Variants in GNPDA1 observed in about 807,000 individuals in gnomAD.
GNPDA1 encodes the protein GNPDA 1.
A neutral mutation model predicts 28.5 loss-of-function variants in GNPDA1; 24 were observed. The observed-to-expected ratio is 0.84, with a 90% CI of 0.61 to 1.19. GNPDA1 has a LOEUF of 1.19. GNPDA1 is among the 50% of genes most tolerant of loss of function. GNPDA1 has a pLI of 0.00. For missense variants in GNPDA1, 264 were observed against 367.3 expected, an observed-to-expected ratio of 0.72 and a Z score of 2.30; for synonymous variants, 147 against 139.3, an observed-to-expected ratio of 1.06 and a Z score of -0.39.
rs758193314 is a variant in GNPDA1, at chr5:142,003,059, ACCT to A, written c.769+26_769+28del. 1 of 1,593,774 alleles carries A rather than the reference ACCT, an allele frequency of 6.3e-7. No individual in the cohort carries two copies. The highest frequency in any genetic ancestry group is 8.6e-7 in the Non-Finnish European group (1 of 1,167,980). On this transcript the variant is annotated intron_variant, in intron 6 of 6. Coordinates refer to ENST00000311337, the MANE Select transcript of GNPDA1 (RefSeq NM_005471.5). This position sits in a 1 kb window ranked among gnomAD's most constrained non-coding sequence, Gnocchi z 4.0. ...CTCCTAGCACACCCTAAGCTTGACC[ACCT>A]CCTCCTGGACCCACACCTCCCTCAC...
In GNPDA1 at chr5:142,003,251, A is replaced by G. The variant is rs1231566631; in HGVS notation, c.606T>C (p.Leu202=). 6.2e-7 allele frequency: 1 copy of G among 1,610,466 alleles called. No individual in the cohort carries two copies. The highest frequency in any genetic ancestry group is 8.5e-7 in the Non-Finnish European group (1 of 1,177,702). ...CAAATGCCTTGTGAGCACCTGTGAT[A>G]AGGATCATCACCTGGGGATCAGAAA... ...TVMDAREVMI[L]ITGAHKAFAL... The change falls in exon 6 of 7, where the codon CTT becomes CTC. Residue 202 remains leucine (L), a synonymous_variant. Transcript: ENST00000311337. This position sits in a 1 kb window ranked among gnomAD's most constrained non-coding sequence, Gnocchi z 4.0.
At chr5:142,006,077 A>G (rs1485307907) in intron 4 of GNPDA1, 67 bp downstream of exon 4, 13 of 1,326,032 alleles carry the variant, frequency 9.8e-6, no homozygotes, top group African/African-American at 1.4e-5. Context: ...GCAGACAGGC[A>G]TTGTGTCTTG....
At chr5:142,010,503 T>TTTTC (rs1554085946) in intron 2 of GNPDA1, among the ~76,000 whole-genome samples, 2 of 41,128 alleles carry the variant, frequency 4.9e-5, no homozygotes, top group African/African-American at 7.4e-5. Flanking sequence ...AATGGTTTTC[T>TTTTC]TTTCTTTCTT....
rs1755767045 is a variant in GNPDA1, at chr5:142,004,973, C to T, written c.553G>A (p.Ala185Thr). 5 of 1,612,538 alleles carry T rather than the reference C, an allele frequency of 3.1e-6. No homozygotes were observed. The highest frequency in any genetic ancestry group is 4.2e-6 in the Non-Finnish European group (5 of 1,178,820). ...DGELTKVPTM[A>T]LTVGVGTVMD... is the part of the protein sequence containing the mutation. ...ACAGTGCCCACCCCCACCGTCAAGG[C>T]CATGGTGGGCACCTTGGTGAGTTCT... Residue 185 changes from alanine (A) to threonine (T), a missense_variant, in exon 5 of 7, where the codon GCC (alanine) becomes ACC (threonine). By Grantham distance (58) the Ala-to-Thr change is moderately conservative. Coordinates refer to ENST00000311337, the MANE Select transcript of GNPDA1 (RefSeq NM_005471.5).
intron 2 of GNPDA1, among the ~76,000 whole-genome samples, chr5:142,009,661 T>C (rs1755896254): frequency 6.6e-6 from 1 of 152,154 alleles, no homozygotes; most frequent in African/African-American, 2.4e-5. Context: ...TAGCTATGCC[T>C]GAGCCACATA....
intron 6 of GNPDA1, among the ~76,000 whole-genome samples, chr5:142,002,551 G>A (rs1424164976): frequency 6.6e-6 from 1 of 152,152 alleles, no homozygotes; most frequent in African/African-American, 2.4e-5. Context: ...TCAGGAGTTT[G>A]AGACCAGCCT....
rs1755736424 is a variant in GNPDA1 at position 142,003,825 on chromosome 5, A to G, written c.595-563T>C. Among the ~76,000 whole-genome samples, 1 of 152,228 alleles carries G rather than the reference A, an allele frequency of 6.6e-6. No homozygotes were observed. Among genetic ancestry groups the G allele is most frequent in the Admixed American group, 6.5e-5 (1 of 15,284 alleles). The stretch of plus-strand genomic sequence containing the variant: ...GTGATGGTTTTTGTTAATATATAAT[A>G]AAACAAAGGCACAGTCTCCACTTAA... On this transcript the variant is annotated intron_variant, in intron 5 of 6. Coordinates refer to ENST00000311337, the MANE Select transcript of GNPDA1 (RefSeq NM_005471.5). The surrounding 1 kb of genome is among the most constrained non-coding windows in gnomAD (Gnocchi z 4.0).
Position 142,003,279 on chromosome 5 carries a change from A to G in GNPDA1, c.595-17T>C. 6.3e-7 allele frequency: 1 copy of G among 1,588,510 alleles called. No homozygotes were observed. Among genetic ancestry groups the G allele is most frequent in the Non-Finnish European group, 8.6e-7 (1 of 1,160,362 alleles). On this transcript the variant is annotated splice_polypyrimidine_tract_variant and intron_variant, in intron 5 of 6. Coordinates refer to ENST00000311337, the MANE Select transcript of GNPDA1 (RefSeq NM_005471.5). The surrounding 1 kb of genome is among the most constrained non-coding windows in gnomAD (Gnocchi z 4.0). The stretch of plus-strand genomic sequence containing the variant: ...GATCATCACCTGGGGATCAGAAAAC[A>G]AGTCTGTGATGGAGGGGAGCATTCC...
intron 6 of GNPDA1, 117 bp downstream of exon 6, chr5:142,002,971 A>G (rs1028233215): frequency 1.7e-5 from 13 of 782,174 alleles, no homozygotes; most frequent in South Asian, 3.6e-5. Flanking sequence ...TGGGTTTGAT[A>G]TTTCTTAAGA....
At chr5:142,005,258 G>A (rs1755774354) in intron 4 of GNPDA1, 142 bp from the exon 5 acceptor site, 1 of 623,514 alleles carries the variant, frequency 1.6e-6, no homozygotes, top group Non-Finnish European at 2.8e-6. Context: ...CCCTGGGCAG[G>A]TACACCTTAA....
chr5:142,011,769 G>T, intron 2 of GNPDA1, 143 bp downstream of exon 2: 1 of 829,670 alleles, frequency 1.2e-6, no homozygotes, highest in East Asian at 2.7e-5. Flanking sequence ...CTTTGTATGT[G>T]GAAGGGGCAG....
At chr5:142,011,274 C>A (rs896806483) in intron 2 of GNPDA1, among the ~76,000 whole-genome samples, 1 of 87,134 alleles carries the variant, frequency 1.1e-5, no homozygotes, top group Non-Finnish European at 2.8e-5. Flanking sequence ...AGTTTGAAGA[C>A]CCCTCCAACA....
intron 3 of GNPDA1, among the ~76,000 whole-genome samples, chr5:142,007,554 G>T (rs1391726901): frequency 1.3e-5 from 2 of 152,196 alleles, no homozygotes. Context: ...TTAAGTATTT[G>T]TTATGTATAA....
At position 142,001,665 on chromosome 5, in the gene GNPDA1, C is replaced by A; in HGVS notation, c.*364G>T. On this transcript the variant is annotated 3_prime_UTR_variant, in exon 7 of 7. Transcript: ENST00000311337. ...GGTGGTATCCAATATACATAAGCCC[C>A]TAATTCCCTCCCACTTGAAAATCAG... 1 of 174,562 alleles carries A rather than the reference C, an allele frequency of 5.7e-6. No homozygotes were observed. The highest frequency in any genetic ancestry group is 1.2e-5 in the Non-Finnish European group (1 of 82,886). 10.8% of individuals were successfully genotyped at this position (174,562 alleles called of 1,614,324 possible). A position where few individuals can be genotyped will look rare whatever the true frequency, so the allele number is the denominator to read the frequency against.
rs1430037383 is a variant in GNPDA1 at position 142,006,380 on chromosome 5, C to G, written c.227-54G>C. On this transcript the variant is annotated intron_variant, in intron 3 of 6. Coordinates refer to ENST00000311337, the MANE Select transcript of GNPDA1 (RefSeq NM_005471.5). ...CCTAGGCCAAGCCAAAGCCCCTCTC[C>G]TAAGAAGGATGCCAGGACACCATGC... 2.9e-6 allele frequency: 4 copies of G among 1,358,060 alleles called. No individual in the cohort carries two copies. The East Asian group carries it at 9.2e-5, about 31-fold the overall frequency. 84.1% of individuals were successfully genotyped at this position (1,358,060 alleles called of 1,614,324 possible). A position where few individuals can be genotyped will look rare whatever the true frequency, so the allele number is the denominator to read the frequency against.
At chr5:142,009,670 T>C (rs1306088773) in intron 2 of GNPDA1, among the ~76,000 whole-genome samples, 6 of 152,142 alleles carry the variant, frequency 3.9e-5, no homozygotes, top group Non-Finnish European at 7.4e-5. Flanking sequence ...CTGAGCCACA[T>C]AGCTTCCTCT....
At chr5:142,005,331 C>A in intron 4 of GNPDA1, 1 of 433,810 alleles carries the variant, frequency 2.3e-6, no homozygotes. Flanking sequence ...CAGAGGAGAC[C>A]CTCCCCATCA....
At chr5:142,006,991 G>A (rs1755821557) in intron 3 of GNPDA1, among the ~76,000 whole-genome samples, 1 of 152,014 alleles carries the variant, frequency 6.6e-6, no homozygotes, top group Non-Finnish European at 1.5e-5. Context: ...AATACTTTAT[G>A]ATTCCAGTTA....
intron 2 of GNPDA1, among the ~76,000 whole-genome samples, chr5:142,008,682 G>C (rs1755866484): frequency 6.6e-6 from 1 of 151,480 alleles, no homozygotes; most frequent in African/African-American, 2.4e-5. Flanking sequence ...GGCCGAGATT[G>C]CACCACTGCA....
Sources: gnomAD v4.1 joint callset for allele counts (sites outside exome capture counted in the v4.1 genomes callset) on GRCh38, gnomAD v4.1.1 for gene constraint, Gnocchi (gnomAD v3.1) non-coding constraint, MANE v1.5 for transcripts, NCBI Gene and HGNC (gene_info 2026-07-23, HGNC 2026-07-21) for gene names.